Variants in ARGLU1 observed in about 807,000 individuals in gnomAD.
The protein encoded by ARGLU1 is arginine and glutamate rich 1, also known as arginine and glutamate-rich protein 1.
Under a neutral mutation model 37.6 loss-of-function variants are expected in ARGLU1, and 9 were observed. That is an observed-to-expected ratio of 0.24 (90% CI 0.14 to 0.42). The LOEUF (loss-of-function observed/expected upper bound fraction) is 0.42, where lower values mean the gene tolerates loss of function less well. Among genes scored for constraint, ARGLU1 ranks in the 10% least tolerant of loss-of-function variants. The pLI is 1.00. For synonymous variants in ARGLU1, 166 were observed against 138.5 expected (o/e 1.20, Z -1.39); for missense variants, 211 against 359.2 (o/e 0.59, Z 3.34).
chr13:106,547,096 T>C (rs2138963791), intron 3 of ARGLU1, among the ~76,000 whole-genome samples: 1 of 152,284 alleles, frequency 6.6e-6, no homozygotes, highest in South Asian at 2.1e-4. Flanking sequence ...TCTCTCTCTC[T>C]AGGGCCCTCT....
In ARGLU1 at chr13:106,557,664, C is replaced by G. The variant is rs1208123550; in HGVS notation, c.574-533G>C. The G allele has an allele frequency of 6.4e-7, 1 of 1,563,122 alleles. No homozygotes were observed. Among genetic ancestry groups the G allele is most frequent in the African/African-American group, 1.4e-5 (1 of 73,978 alleles). On this transcript the variant is annotated intron_variant, in intron 2 of 3. Coordinates refer to ENST00000400198, the MANE Select transcript of ARGLU1 (RefSeq NM_018011.4). The surrounding 1 kb of genome is among the most constrained non-coding windows in gnomAD (Gnocchi z 5.0). ...AGCTTGGCAATACCTGCATCAGCAG[C>G]TCAACCATTTATAAAGAAACAACAT...
rs560730796 is a variant in ARGLU1, at chr13:106,563,928, C to T, written c.347+3645G>A. Among the ~76,000 whole-genome samples the T allele has an allele frequency of 8.1e-4, 124 of 152,274 alleles. 1 individual carries two copies. The highest frequency in any genetic ancestry group is 2.9e-3 in the African/African-American group (121 of 41,546). The stretch of plus-strand genomic sequence containing the variant: ...TCACAGGCTAGAGTAAGTTACTATG[C>T]CATTAACATTTTCCTGATTTGCTGC... On this transcript the variant is annotated intron_variant, in intron 1 of 3. Transcript: ENST00000400198.
rs1459584155 is a variant in ARGLU1 at position 106,567,686 on chromosome 13, C to T, written c.234G>A (p.Pro78=). The change falls in exon 1 of 4, where the codon CCG becomes CCA. Residue 78 remains proline (P), a synonymous_variant. Transcript: ENST00000400198. This position sits in a 1 kb window ranked among gnomAD's most constrained non-coding sequence, Gnocchi z 4.3. Reference sequence around the variant, plus strand: ...GCCCGAAGATGTCGATGCGGTCGGGCGGGGACGAGGCGCGCTCCCGGTCCC... The same window carrying T: ...GCCCGAAGATGTCGATGCGGTCGGGTGGGGACGAGGCGCGCTCCCGGTCCC... The part of the protein sequence containing the change: ...RERDRERASS[P]PDRIDIFGRT... The T allele has an allele frequency of 6.3e-7, 1 of 1,576,056 alleles. No homozygotes were observed. The highest frequency in any genetic ancestry group is 8.6e-7 in the Non-Finnish European group (1 of 1,158,576).
At chr13:106,553,670 G>A (rs953854938) in intron 3 of ARGLU1, among the ~76,000 whole-genome samples, 1 of 152,144 alleles carries the variant, frequency 6.6e-6, no homozygotes, top group African/African-American at 2.4e-5. Context: ...TTGTTTCTCT[G>A]AGGTTGAGAT....
At chr13:106,546,681 C>A (rs529962040) in intron 3 of ARGLU1, among the ~76,000 whole-genome samples, 16 of 152,208 alleles carry the variant, frequency 1.1e-4, no homozygotes, top group Non-Finnish European at 1.8e-4. Flanking sequence ...GCCTAAGAAA[C>A]ATTTTATCAA....
intron 1 of ARGLU1, among the ~76,000 whole-genome samples, chr13:106,561,334 G>A (rs964426732): frequency 2.0e-5 from 3 of 151,740 alleles, no homozygotes; most frequent in Non-Finnish European, 4.4e-5. Flanking sequence ...ATGAAACAAG[G>A]CTGACAACTG....
intron 1 of ARGLU1, among the ~76,000 whole-genome samples, chr13:106,562,990 C>CAAAAAAAAAA (rs745494550): frequency 1.5e-5 from 1 of 67,420 alleles, no homozygotes; most frequent in Non-Finnish European, 2.8e-5. Context: ...GACCCTGTCT[C>CAAAAAAAAAA]AAAAAAAAAA....
In ARGLU1 at chr13:106,543,703, T is replaced by C; in HGVS notation, c.*293A>G. ...GGTCAGTAAAAGCCTTATCAGACCA[T>C]CCATAGTTTTACAATGTGATCTGCT... On this transcript the variant is annotated 3_prime_UTR_variant, in exon 4 of 4. Transcript: ENST00000400198. 1 of 240,070 alleles carries C rather than the reference T, an allele frequency of 4.2e-6. No individual in the cohort carries two copies. The highest frequency in any genetic ancestry group is 7.9e-6 in the Non-Finnish European group (1 of 126,668). The allele number at this position is 240,070 out of a possible 1,614,324, so 14.9% of individuals were successfully genotyped here. A position where few individuals can be genotyped will look rare whatever the true frequency, so the allele number is the denominator to read the frequency against.
In ARGLU1 at chr13:106,567,776, C is replaced by T; in HGVS notation, c.144G>A (p.Arg48=). 1 of 1,613,412 alleles carries T rather than the reference C, an allele frequency of 6.2e-7. No individual in the cohort carries two copies. The highest frequency in any genetic ancestry group is 2.2e-5 in the East Asian group (1 of 44,782). The change falls in exon 1 of 4, where the codon CGG becomes CGA. Residue 48 remains arginine, a synonymous_variant. Coordinates refer to ENST00000400198, the MANE Select transcript of ARGLU1 (RefSeq NM_018011.4). The surrounding 1 kb of genome is among the most constrained non-coding windows in gnomAD (Gnocchi z 4.3). ...RKRSKSRESK[R]NRRRESRSRS... is the part of the protein sequence containing the mutation. ...GGGACCGCGACTCCCGCCGCCGGTT[C>T]CGTTTACTTTCCCGAGATTTGGAAC...
chr13:106,549,423 AT>A (rs1255253631), intron 3 of ARGLU1, among the ~76,000 whole-genome samples: 6 of 152,314 alleles, frequency 3.9e-5, no homozygotes, highest in African/African-American at 1.4e-4. Flanking sequence ...TTAAATGTAT[AT>A]CCCACTTTAG....
chr13:106,553,145 G>A (rs1158939554), intron 3 of ARGLU1, among the ~76,000 whole-genome samples: 1 of 152,198 alleles, frequency 6.6e-6, no homozygotes, highest in African/African-American at 2.4e-5. Context: ...TGTAGAAACT[G>A]AAGAAAAGTA....
chr13:106,551,970 C>T (rs1376198364), intron 3 of ARGLU1, among the ~76,000 whole-genome samples: 4 of 152,152 alleles, frequency 2.6e-5, no homozygotes, highest in Non-Finnish European at 4.4e-5. Context: ...GCAAAAGCCC[C>T]GCCCTCCTTG....
At chr13:106,563,338 A>C (rs1214576749) in intron 1 of ARGLU1, among the ~76,000 whole-genome samples, 1 of 152,192 alleles carries the variant, frequency 6.6e-6, no homozygotes, top group Non-Finnish European at 1.5e-5. Context: ...CAAGGAGCTG[A>C]AGTTTCTAGA....
In ARGLU1 at chr13:106,568,135, T is replaced by A. The variant is rs1310627502; in HGVS notation, c.-216A>T. On this transcript the variant is annotated 5_prime_UTR_variant, in exon 1 of 4. Transcript: ENST00000400198. The stretch of plus-strand genomic sequence containing the variant: ...CGCCAGGCGCCCCTAAGATGGCAGC[T>A]GCGGCTGCACCGGCCGCCCTTCCCA... 1 of 678,954 alleles carries A rather than the reference T, an allele frequency of 1.5e-6. No homozygotes were observed. The highest frequency in any genetic ancestry group is 3.3e-5 in the East Asian group (1 of 30,140). 42.1% of individuals were successfully genotyped at this position (678,954 alleles called of 1,614,324 possible).
At chr13:106,561,423 G>GTA (rs1323373444) in intron 1 of ARGLU1, among the ~76,000 whole-genome samples, 3 of 92,242 alleles carry the variant, frequency 3.3e-5, no homozygotes, top group African/African-American at 9.3e-5. Flanking sequence ...ATAATAAAGT[G>GTA]TACACACACA....
intron 3 of ARGLU1, among the ~76,000 whole-genome samples, chr13:106,553,239 A>G (rs1428020812): frequency 1.3e-5 from 2 of 152,186 alleles, no homozygotes; most frequent in Non-Finnish European, 2.9e-5. Flanking sequence ...ATGTGCAAGT[A>G]TATGTTTCTC....
chr13:106,565,656 A>G (rs983004743), intron 1 of ARGLU1, among the ~76,000 whole-genome samples: 20 of 152,180 alleles, frequency 1.3e-4, no homozygotes, highest in African/African-American at 4.8e-4. Flanking sequence ...AAGCTCCAAC[A>G]CTTAAGTCTT....
At chr13:106,547,422 C>T (rs1566470510) in intron 3 of ARGLU1, among the ~76,000 whole-genome samples, 1 of 151,926 alleles carries the variant, frequency 6.6e-6, no homozygotes, top group Non-Finnish European at 1.5e-5. Context: ...TTACATATTA[C>T]AACACAGTTT....
intron 3 of ARGLU1, among the ~76,000 whole-genome samples, chr13:106,544,759 T>G (rs927037679): frequency 6.6e-6 from 1 of 151,904 alleles, no homozygotes; most frequent in Non-Finnish European, 1.5e-5. Context: ...TGTGGTCAAA[T>G]CATGCTGAAA....
Sources: allele counts gnomAD v4.1 joint callset (sites outside exome capture counted in the v4.1 genomes callset), GRCh38; gene constraint gnomAD v4.1.1; non-coding constraint Gnocchi (gnomAD v3.1); transcripts MANE v1.5; gene names NCBI Gene and HGNC (gene_info 2026-07-23, HGNC 2026-07-21).